GLRA2: variants seen among roughly 807,000 people sequenced by gnomAD.
The protein encoded by GLRA2 is glycine receptor subunit alpha-2.
A neutral mutation model predicts 31.6 loss-of-function variants in GLRA2; 11 were observed. That is an observed-to-expected ratio of 0.35 (90% CI 0.22 to 0.58). The LOEUF (loss-of-function observed/expected upper bound fraction) is 0.58, where lower values mean the gene tolerates loss of function less well. Ranked by LOEUF, GLRA2 falls within the 20% of genes least tolerant of loss-of-function variation. The pLI, the probability that GLRA2 is intolerant of heterozygous loss-of-function variation, is 0.84. For missense variants in GLRA2, 212 were observed against 351.8 expected (o/e 0.60, Z 3.18); for synonymous variants, 132 against 134.0 (o/e 0.99, Z 0.10).
chrX:14,474,951 G>T, the GLRA2 span, among the ~76,000 whole-genome samples: 7 of 112,210 alleles, frequency 6.2e-5, no homozygotes, highest in South Asian at 2.6e-3. Context: ...CAAAGACTAT[G>T]AATAGGAAAC....
chrX:14,468,714 G>C, the GLRA2 span, among the ~76,000 whole-genome samples: 4 of 111,529 alleles, frequency 3.6e-5, no homozygotes, highest in African/African-American at 1.3e-4. Flanking sequence ...GGTATTTCTA[G>C]TGCTAGATCC....
At chrX:14,573,057 T>G (rs2089904798) in intron 2 of GLRA2, among the ~76,000 whole-genome samples, 1 of 112,005 alleles carries the variant, frequency 8.9e-6, no homozygotes, top group Admixed American at 9.5e-5. Flanking sequence ...TGCAGAAGAT[T>G]ACACAGATAT....
chrX:14,703,998 T>G (rs191692418), intron 8 of GLRA2, among the ~76,000 whole-genome samples: 251 of 111,451 alleles, frequency 2.3e-3, no homozygotes, highest in Non-Finnish European at 4.1e-3. Flanking sequence ...AAAAACAAAC[T>G]AAGGTGCAAT....
chrX:14,459,896 G>T, the GLRA2 span, among the ~76,000 whole-genome samples: 38 of 111,922 alleles, frequency 3.4e-4, no homozygotes, highest in South Asian at 0.014. Context: ...TAGCAAGAAC[G>T]TCCAATACTG....
At chrX:14,557,102 C>CTTTTTTTT (rs58282642) in intron 2 of GLRA2, among the ~76,000 whole-genome samples, 8 of 46,357 alleles carry the variant, frequency 1.7e-4, no homozygotes, top group Admixed American at 3.9e-4. Context: ...TAAAGTATTT[C>CTTTTTTTT]TTTTTTTTTT....
intron 8 of GLRA2, among the ~76,000 whole-genome samples, chrX:14,693,813 C>T (rs1319135421): frequency 1.8e-5 from 2 of 111,467 alleles, no homozygotes; most frequent in Non-Finnish European, 3.8e-5. Context: ...GGGAAATAAC[C>T]AAATACTTCT....
intron 7 of GLRA2, among the ~76,000 whole-genome samples, chrX:14,682,599 G>A (rs1226221240): frequency 2.8e-5 from 3 of 109,007 alleles, no homozygotes; most frequent in Non-Finnish European, 5.7e-5. Context: ...TGTGCACAAC[G>A]TGCAGGTTTG....
intron 7 of GLRA2, among the ~76,000 whole-genome samples, chrX:14,640,964 C>A (rs2090765926): frequency 9.0e-6 from 1 of 110,944 alleles, no homozygotes; most frequent in Non-Finnish European, 1.9e-5. Flanking sequence ...AAGTGGTTGA[C>A]ACAATTTACA....
chrX:14,588,295 G>C (rs908561915), intron 4 of GLRA2, among the ~76,000 whole-genome samples: 1 of 111,830 alleles, frequency 8.9e-6, no homozygotes, highest in Non-Finnish European at 1.9e-5. Flanking sequence ...TGGTAGTCCA[G>C]TTTCATTCTT....
intron 7 of GLRA2, among the ~76,000 whole-genome samples, chrX:14,640,741 A>AT (rs1165352269): frequency 3.6e-5 from 4 of 110,770 alleles, no homozygotes; most frequent in African/African-American, 9.8e-5. Flanking sequence ...TATAACTGTA[A>AT]TTTTTTCCCT....
chrX:14,459,007 T>C, the GLRA2 span, among the ~76,000 whole-genome samples: 2 of 112,042 alleles, frequency 1.8e-5, no homozygotes, highest in Non-Finnish European at 3.8e-5. Flanking sequence ...TGGTTTTAGG[T>C]CTAACATTTA....
chrX:14,722,527 A>G (rs926086604), intron 8 of GLRA2, among the ~76,000 whole-genome samples: 6 of 111,627 alleles, frequency 5.4e-5, no homozygotes, highest in Admixed American at 3.8e-4. Context: ...ACTCAAGTGG[A>G]GGGGATACAG....
chrX:14,479,913 C>T, the GLRA2 span, among the ~76,000 whole-genome samples: 6,882 of 111,312 alleles, frequency 0.062, 542 homozygotes, highest in African/African-American at 0.21. Context: ...CTGAGTCAAA[C>T]GGTAGTTCTG....
the GLRA2 span, among the ~76,000 whole-genome samples, chrX:14,509,940 C>A: frequency 9.0e-6 from 1 of 111,184 alleles, no homozygotes; most frequent in African/African-American, 3.3e-5. Flanking sequence ...TCACAGCTAG[C>A]AAAAATAGAA....
At chrX:14,525,683 G>T (rs926028444), upstream of GLRA2, among the ~76,000 whole-genome samples, 4 of 111,346 alleles carry the variant, frequency 3.6e-5, no homozygotes, top group Non-Finnish European at 7.5e-5. Context: ...CAAGGATATT[G>T]AATTAATAAT....
At chrX:14,497,821 C>A in the GLRA2 span, among the ~76,000 whole-genome samples, 1,884 of 104,136 alleles carry the variant, frequency 0.018, 52 homozygotes, top group African/African-American at 0.063. Flanking sequence ...GGCAGACCAA[C>A]TCAAAATGTG....
At chrX:14,723,527 T>C (rs1339467325) in intron 8 of GLRA2, among the ~76,000 whole-genome samples, 1 of 112,157 alleles carries the variant, frequency 8.9e-6, no homozygotes, top group Non-Finnish European at 1.9e-5. Context: ...TGTCATGCAA[T>C]CTCCATTAAA....
At chrX:14,660,216 G>A (rs963321817) in intron 7 of GLRA2, among the ~76,000 whole-genome samples, 6 of 111,775 alleles carry the variant, frequency 5.4e-5, no homozygotes, top group Non-Finnish European at 9.4e-5. Context: ...TATGGTCAGG[G>A]TAGGCCTGAT....
intron 4 of GLRA2, 48 bp downstream of exon 4, chrX:14,581,454 A>G (rs751513798): frequency 1.4e-6 from 1 of 699,310 alleles, no homozygotes; most frequent in Non-Finnish European, 2.3e-6. Context: ...TTCTCCACTA[A>G]TGTAGAGCTG....
Sources: gnomAD v4.1 joint callset for allele counts (sites outside exome capture counted in the v4.1 genomes callset) on GRCh38, gnomAD v4.1.1 for gene constraint, MANE v1.5 for transcripts, NCBI Gene and HGNC (gene_info 2026-07-23, HGNC 2026-07-21) for gene names.